NUBPL: variants seen among roughly 807,000 people sequenced by gnomAD.
NUBPL encodes iron-sulfur cluster transfer protein NUBPL.
NUBPL carries 31 observed loss-of-function variants against 45.7 expected under a neutral mutation model. The ratio of observed to expected loss-of-function variants is 0.68; its 90% CI spans 0.51 to 0.92. NUBPL has a LOEUF of 0.92. Among genes scored for constraint, NUBPL ranks in the 40% least tolerant of loss-of-function variants. NUBPL has a pLI of 0.00. For synonymous variants in NUBPL, 144 were observed against 140.9 expected (o/e 1.02, Z -0.15); for missense variants, 401 against 398.7 (o/e 1.01, Z -0.05).
chr14:31,653,911 C>T (rs1249987390), intron 4 of NUBPL, among the ~76,000 whole-genome samples: 1 of 152,310 alleles, frequency 6.6e-6, no homozygotes, highest in East Asian at 1.9e-4. Context: ...GCTGCGGCTC[C>T]AGCTGGTTCC....
chr14:31,666,263 A>ATATATATAT, intron 4 of NUBPL, among the ~76,000 whole-genome samples: 28 of 111,706 alleles, frequency 2.5e-4, no homozygotes, highest in Non-Finnish European at 3.4e-4. Context: ...ATATATATAT[A>ATATATATAT]ATTTTATTTT....
intron 4 of NUBPL, among the ~76,000 whole-genome samples, chr14:31,665,435 T>C (rs184886947): frequency 1.5e-4 from 23 of 152,356 alleles, no homozygotes; most frequent in Admixed American, 3.9e-4. Context: ...TTTGAACTCA[T>C]TGGTTTCAAA....
intron 2 of NUBPL, 79 bp from the exon 3 acceptor site, chr14:31,564,935 C>A: frequency 2.6e-6 from 2 of 759,250 alleles, no homozygotes; most frequent in Non-Finnish European, 4.4e-6. Flanking sequence ...TTAAAAATTA[C>A]ATGAAAATAT....
intron 6 of NUBPL, among the ~76,000 whole-genome samples, chr14:31,738,978 A>G (rs908128289): frequency 6.6e-6 from 1 of 151,458 alleles, no homozygotes; most frequent in Non-Finnish European, 1.5e-5. Flanking sequence ...TATGCTAAAT[A>G]TAATAGACAT....
chr14:31,601,991 G>C (rs142627076), intron 4 of NUBPL, among the ~76,000 whole-genome samples: 2 of 152,124 alleles, frequency 1.3e-5, no homozygotes, highest in Non-Finnish European at 2.9e-5. Context: ...AACCAACCCA[G>C]ATGTCCAACA....
chr14:31,855,623 GTT>G (rs34242973), intron 10 of NUBPL, among the ~76,000 whole-genome samples: 24,817 of 146,420 alleles, frequency 0.17, 6,003 homozygotes, highest in African/African-American at 0.54. Flanking sequence ...TGTTTTTAGA[GTT>G]TTTTTTTTTT....
intron 4 of NUBPL, among the ~76,000 whole-genome samples, chr14:31,640,806 G>C (rs895477759): frequency 6.6e-6 from 1 of 151,938 alleles, no homozygotes; most frequent in Non-Finnish European, 1.5e-5. Flanking sequence ...CAGGGTAATG[G>C]GGACATCGAT....
chr14:31,689,515 T>C (rs1183851423), intron 6 of NUBPL, among the ~76,000 whole-genome samples: 1 of 152,212 alleles, frequency 6.6e-6, no homozygotes. Flanking sequence ...AATGGAGTTT[T>C]TTTTTCTTGT....
intron 4 of NUBPL, among the ~76,000 whole-genome samples, chr14:31,636,215 T>C (rs577500754): frequency 6.6e-6 from 1 of 152,212 alleles, no homozygotes; most frequent in African/African-American, 2.4e-5. Context: ...CAGTATGATA[T>C]TGGCTGTGGG....
intron 6 of NUBPL, among the ~76,000 whole-genome samples, chr14:31,731,086 G>A (rs1261174760): frequency 6.6e-6 from 1 of 152,114 alleles, no homozygotes; most frequent in African/African-American, 2.4e-5. Flanking sequence ...TAAAAATCTA[G>A]CAACAAACTG....
intron 4 of NUBPL, among the ~76,000 whole-genome samples, chr14:31,659,657 G>T (rs1039728959): frequency 6.6e-5 from 10 of 152,258 alleles, no homozygotes; most frequent in Middle Eastern, 3.4e-3. Flanking sequence ...GAGTAGAAAA[G>T]AATCTGATGT....
chr14:31,612,390 C>T (rs567608420), intron 4 of NUBPL, among the ~76,000 whole-genome samples: 3 of 152,238 alleles, frequency 2.0e-5, no homozygotes, highest in African/African-American at 4.8e-5. Flanking sequence ...ACAGGCTGGG[C>T]GCAGTGGCTC....
intron 6 of NUBPL, among the ~76,000 whole-genome samples, chr14:31,760,234 A>C (rs903780131): frequency 6.6e-6 from 1 of 150,802 alleles, no homozygotes; most frequent in Non-Finnish European, 1.5e-5. Context: ...GTCATGGCTT[A>C]CTGCAGCCAT....
rs774768075 is a variant in NUBPL, at chr14:31,859,617, T to A, written c.*437T>A. 1 of 261,432 alleles carries A rather than the reference T, an allele frequency of 3.8e-6. No individual in the cohort carries two copies. Among genetic ancestry groups the A allele is most frequent in the African/African-American group, 2.2e-5 (1 of 44,986 alleles). The allele number at this position is 261,432 out of a possible 1,614,324, so 16.2% of individuals were successfully genotyped here. On this transcript the variant is annotated 3_prime_UTR_variant, in exon 11 of 11. Coordinates refer to ENST00000281081, the MANE Select transcript of NUBPL (RefSeq NM_025152.3). ...TCTTTGAATCCTGTCTTTGGTACTGTCTTGGACATGTTCTTAATATGAACC... is the reference window on the plus strand; with the variant it reads ...TCTTTGAATCCTGTCTTTGGTACTGACTTGGACATGTTCTTAATATGAACC...
rs114371477 is a variant in NUBPL, at chr14:31,571,401, A to G, written c.291+6353A>G. ...GGCACTGTGTGAGCTAGCCTTGCTC[A>G]GAAGGGCAGCTCAGCAGCTCATTGA... On this transcript the variant is annotated intron_variant, in intron 3 of 10. Coordinates refer to ENST00000281081, the MANE Select transcript of NUBPL (RefSeq NM_025152.3). Among the ~76,000 whole-genome samples the G allele has an allele frequency of 2.2e-3, 325 of 150,796 alleles. 1 individual carries two copies. Among genetic ancestry groups the G allele is most frequent in the Middle Eastern group, 0.014 (4 of 282 alleles).
chr14:31,824,979 G>T (rs544177154), intron 7 of NUBPL, among the ~76,000 whole-genome samples: 16 of 152,136 alleles, frequency 1.1e-4, no homozygotes, highest in Middle Eastern at 3.4e-3. Context: ...TCTTAACCAG[G>T]CCTTTGTTGT....
At chr14:31,606,890 C>A (rs2034615603) in intron 4 of NUBPL, among the ~76,000 whole-genome samples, 2 of 152,088 alleles carry the variant, frequency 1.3e-5, no homozygotes, top group Non-Finnish European at 2.9e-5. Flanking sequence ...GTTGGTGTAT[C>A]CAAATGTAGT....
At chr14:31,766,143 T>A (rs991731574) in intron 6 of NUBPL, among the ~76,000 whole-genome samples, 6 of 152,174 alleles carry the variant, frequency 3.9e-5, no homozygotes, top group African/African-American at 1.4e-4. Flanking sequence ...GTTGTGTTTG[T>A]TAGAGGAAGA....
chr14:31,776,300 A>G (rs1395805411), intron 6 of NUBPL, among the ~76,000 whole-genome samples: 1 of 152,184 alleles, frequency 6.6e-6, no homozygotes, highest in Non-Finnish European at 1.5e-5. Flanking sequence ...TTCTAAAATC[A>G]TTGCTTTCGT....
Sources: allele counts gnomAD v4.1 joint callset (sites outside exome capture counted in the v4.1 genomes callset), GRCh38; gene constraint gnomAD v4.1.1; transcripts MANE v1.5; gene names NCBI Gene and HGNC (gene_info 2026-07-23, HGNC 2026-07-21).